The following CTNNA3 variants were observed in gnomAD, a reference collection of about 807,000 sequenced individuals.
CTNNA3 encodes the protein catenin alpha-3.
In CTNNA3, 76 loss-of-function variants were observed where a neutral mutation model predicts 95.7. The ratio of observed to expected loss-of-function variants is 0.79; its 90% CI spans 0.66 to 0.96. The LOEUF (loss-of-function observed/expected upper bound fraction) is 0.96. CTNNA3 is among the 40% of genes least tolerant of loss of function. The pLI, the probability that CTNNA3 is intolerant of heterozygous loss-of-function variation, is 0.00. For missense variants in CTNNA3, 1,191 were observed against 1,089.8 expected (o/e 1.09, Z -1.31); for synonymous variants, 431 against 374.4 (o/e 1.15, Z -1.74).
chr10:66,824,767 C>T (rs868757173), intron 7 of CTNNA3, among the ~76,000 whole-genome samples: 3 of 152,048 alleles, frequency 2.0e-5, no homozygotes, highest in African/African-American at 7.2e-5. Context: ...AAAACAAGGA[C>T]AGCCTGAGAA....
In CTNNA3 at chr10:66,434,074, C is replaced by T. The variant is rs964474512; in HGVS notation, c.1532-54722G>A. ...TGTAGTGTAGTTTGAAGACAGGTAGCATTATGCCTCCAGCTTTGTTCTTTT... is the reference window on the plus strand; with the variant it reads ...TGTAGTGTAGTTTGAAGACAGGTAGTATTATGCCTCCAGCTTTGTTCTTTT... On this transcript the variant is annotated intron_variant, in intron 11 of 17. Transcript: ENST00000433211. Among the ~76,000 whole-genome samples, 7 of 152,080 alleles carry T rather than the reference C, an allele frequency of 4.6e-5. No homozygotes were observed. The South Asian group carries it at 1.5e-3, about 32-fold the overall frequency.
chr10:67,183,432 C>T (rs1475293484), intron 6 of CTNNA3, among the ~76,000 whole-genome samples: 13 of 151,824 alleles, frequency 8.6e-5, no homozygotes, highest in African/African-American at 2.4e-4. Flanking sequence ...AGCAAACTAT[C>T]GCAAGGACAA....
intron 12 of CTNNA3, among the ~76,000 whole-genome samples, chr10:66,361,123 A>C (rs1193768476): frequency 2.9e-5 from 4 of 138,754 alleles, no homozygotes; most frequent in Admixed American, 7.7e-5. Context: ...TACCCAGCTA[A>C]ATTTTGAATT....
chr10:66,058,020 A>G (rs2080120163), intron 15 of CTNNA3, among the ~76,000 whole-genome samples: 1 of 152,192 alleles, frequency 6.6e-6, no homozygotes, highest in South Asian at 2.1e-4. Flanking sequence ...GGGAAAACAT[A>G]AAACTTACCA....
chr10:67,102,252 C>T (rs932404361), intron 7 of CTNNA3, among the ~76,000 whole-genome samples: 1 of 151,664 alleles, frequency 6.6e-6, no homozygotes, highest in African/African-American at 2.4e-5. Context: ...TTCTGATTTA[C>T]CCCAAAGGTA....
intron 13 of CTNNA3, among the ~76,000 whole-genome samples, chr10:66,174,904 C>G (rs2085627343): frequency 6.6e-6 from 1 of 151,988 alleles, no homozygotes; most frequent in Non-Finnish European, 1.5e-5. Context: ...AAAATTCAAC[C>G]CGTGAATTTA....
intron 9 of CTNNA3, among the ~76,000 whole-genome samples, chr10:66,758,454 A>T (rs545037183): frequency 6.6e-6 from 1 of 152,328 alleles, no homozygotes; most frequent in South Asian, 2.1e-4. Context: ...TAAAAAGAAC[A>T]GATCATCCCC....
At chr10:66,797,790 C>T (rs1841267203) in intron 7 of CTNNA3, among the ~76,000 whole-genome samples, 1 of 151,858 alleles carries the variant, frequency 6.6e-6, no homozygotes, top group South Asian at 2.1e-4. Context: ...GGTTGTTCCT[C>T]AGTCAATTTT....
intron 13 of CTNNA3, among the ~76,000 whole-genome samples, chr10:66,279,685 C>G (rs527984559): frequency 6.6e-6 from 1 of 152,154 alleles, no homozygotes; most frequent in South Asian, 2.1e-4. Context: ...GTTTTCTTCC[C>G]CTCTCTGCCT....
chr10:66,538,431 G>T (rs927469746), intron 10 of CTNNA3, among the ~76,000 whole-genome samples: 1 of 152,062 alleles, frequency 6.6e-6, no homozygotes, highest in Non-Finnish European at 1.5e-5. Context: ...GTTAGGTGCT[G>T]GTATATTTAG....
intron 7 of CTNNA3, among the ~76,000 whole-genome samples, chr10:67,093,702 C>T (rs973766582): frequency 6.6e-6 from 1 of 151,872 alleles, no homozygotes; most frequent in Non-Finnish European, 1.5e-5. Flanking sequence ...AATTCACAGT[C>T]GTTGCCCAAA....
chr10:67,338,704 T>C (rs911625475), intron 5 of CTNNA3, among the ~76,000 whole-genome samples: 4 of 152,188 alleles, frequency 2.6e-5, no homozygotes, highest in East Asian at 1.9e-4. Context: ...AGCAATTGTG[T>C]ATAAGCAAAC....
Position 66,597,511 on chromosome 10 carries a change from CATATATATATATATAT to C in CTNNA3, c.1374+24165_1374+24180del, listed in dbSNP as rs369390875. Among the ~76,000 whole-genome samples the C allele has an allele frequency of 6.7e-3, 478 of 70,978 alleles. 5 individuals are homozygous for C. The highest frequency in any genetic ancestry group is 0.03 in the East Asian group (93 of 3,092). The allele number at this position is 70,978 out of a possible 152,430, so 46.6% of individuals were successfully genotyped here. A position where few individuals can be genotyped will look rare whatever the true frequency, so the allele number is the denominator to read the frequency against. ...GGTCAACATGGCATTTTATTTCATA[CATATATATATATATAT>C]ATATATATATATATATATATATATA... On this transcript the variant is annotated intron_variant, in intron 10 of 17. Transcript: ENST00000433211.
intron 11 of CTNNA3, among the ~76,000 whole-genome samples, chr10:66,435,985 TTGAG>T (rs2093334610): frequency 6.6e-6 from 1 of 152,214 alleles, no homozygotes; most frequent in Non-Finnish European, 1.5e-5. Context: ...TTGTGCGGTT[TTGAG>T]TGAGTTTCTT....
At chr10:66,518,874 A>G (rs1259587166) in intron 11 of CTNNA3, among the ~76,000 whole-genome samples, 1 of 151,986 alleles carries the variant, frequency 6.6e-6, no homozygotes. Flanking sequence ...AAAATAAAGT[A>G]GTTTAAAAAT....
chr10:66,866,895 TG>T (rs1483531797), intron 7 of CTNNA3, among the ~76,000 whole-genome samples: 1 of 152,208 alleles, frequency 6.6e-6, no homozygotes, highest in Non-Finnish European at 1.5e-5. Flanking sequence ...CCAGATATTG[TG>T]GGAGGAACCT....
At chr10:66,554,256 CT>C (rs1201580874) in intron 10 of CTNNA3, among the ~76,000 whole-genome samples, 3 of 151,952 alleles carry the variant, frequency 2.0e-5, no homozygotes, top group South Asian at 2.1e-4. Flanking sequence ...AAGTAGTTGC[CT>C]TTTTTCCCCT....
intron 1 of CTNNA3, among the ~76,000 whole-genome samples, chr10:67,760,219 A>G (rs910932596): frequency 6.6e-6 from 1 of 152,082 alleles, no homozygotes; most frequent in Admixed American, 6.5e-5. Flanking sequence ...GGAATAAAGA[A>G]CAAAAATTAC....
rs780238387 is a variant in CTNNA3, at chr10:66,069,365, A to T, written c.2102T>A (p.Ile701Asn). The T allele has an allele frequency of 6.2e-7, 1 of 1,613,716 alleles. No individual in the cohort carries two copies. Among genetic ancestry groups the T allele is most frequent in the South Asian group, 1.1e-5 (1 of 91,074 alleles). Residue 701 changes from isoleucine (I) to asparagine (N), a missense_variant, in exon 15 of 18, where the codon ATC (isoleucine) becomes AAC (asparagine). Ile to Asn is a moderately radical substitution (Grantham distance 149). Transcript: ENST00000433211. ...IEIWDDTSND[I>N]IVLAKNMCMI... ...ACACATGTTCTTGGCCAGAACAATG[A>T]TGTCGTTGCTTGTATCATCCCATAT...
Sources: allele counts gnomAD v4.1 joint callset (sites outside exome capture counted in the v4.1 genomes callset), GRCh38; gene constraint gnomAD v4.1.1; transcripts MANE v1.5; gene names NCBI Gene and HGNC (gene_info 2026-07-23, HGNC 2026-07-21).